The following LAMC1 variants were observed in gnomAD, a reference collection of about 807,000 sequenced individuals.
LAMC1 encodes laminin subunit gamma-1.
Under a neutral mutation model 173.6 loss-of-function variants are expected in LAMC1, and 38 were observed. The observed-to-expected ratio is 0.22, with a 90% CI of 0.17 to 0.29. The LOEUF (loss-of-function observed/expected upper bound fraction) is 0.29, where lower values mean the gene tolerates loss of function less well. Ranked by LOEUF, LAMC1 falls within the 10% of genes least tolerant of loss-of-function variation. The pLI is 1.00. For missense variants in LAMC1, 1,824 were observed against 2,051.8 expected (o/e 0.89, Z 2.14); for synonymous variants, 746 against 749.1 (o/e 1.00, Z 0.07).
At chr1:183,104,821 G>C (rs904536174) in intron 2 of LAMC1, among the ~76,000 whole-genome samples, 1 of 152,172 alleles carries the variant, frequency 6.6e-6, no homozygotes, top group Non-Finnish European at 1.5e-5. Flanking sequence ...TGAGCAATGA[G>C]TGTGCTTGCC....
intron 2 of LAMC1, among the ~76,000 whole-genome samples, chr1:183,104,632 T>C (rs2102070436): frequency 6.6e-6 from 1 of 152,374 alleles, no homozygotes; most frequent in African/African-American, 2.4e-5. Flanking sequence ...TTGGATCTTC[T>C]TATTCTTTCT....
At chr1:183,052,797 A>G (rs141995287) in intron 1 of LAMC1, among the ~76,000 whole-genome samples, 1,802 of 152,312 alleles carry the variant, frequency 0.012, 29 homozygotes, top group African/African-American at 0.038. Flanking sequence ...AGAAGGTTCT[A>G]TTCAGTCATA....
In LAMC1 at chr1:183,127,339, T is replaced by C; in HGVS notation, c.3058T>C (p.Phe1020Leu). 1 of 1,614,186 alleles carries C rather than the reference T, an allele frequency of 6.2e-7. No individual in the cohort carries two copies. The change falls in exon 17 of 28, where the codon TTC (phenylalanine) becomes CTC (leucine). Residue 1020 changes from phenylalanine (F) to leucine (L), a missense_variant. Phe to Leu is a conservative substitution (Grantham distance 22). Coordinates refer to ENST00000258341, the MANE Select transcript of LAMC1 (RefSeq NM_002293.4). ...CTGTGACCAGTGTGAAGAAAACTAT[T>C]TCTACAATCGGTCTTGGCCTGGCTG... is the stretch of plus-strand genomic sequence containing the variant. ...NRCDQCEENY[F>L]YNRSWPGCQE...
intron 1 of LAMC1, among the ~76,000 whole-genome samples, chr1:183,087,836 G>A (rs368798491): frequency 6.7e-6 from 1 of 149,450 alleles, no homozygotes; most frequent in East Asian, 2.0e-4. Flanking sequence ...TTTTTGAGAC[G>A]GAGTTTTGCT....
At chr1:183,104,757 A>G (rs944628737) in intron 2 of LAMC1, among the ~76,000 whole-genome samples, 1 of 152,278 alleles carries the variant, frequency 6.6e-6, no homozygotes, top group East Asian at 1.9e-4. Context: ...GTATTTCTGT[A>G]AGTTGCTGGG....
intron 1 of LAMC1, among the ~76,000 whole-genome samples, chr1:183,028,323 A>T (rs1653748407): frequency 6.6e-6 from 1 of 152,204 alleles, no homozygotes; most frequent in South Asian, 2.1e-4. Flanking sequence ...CAAACATTTT[A>T]AAAAATACTC....
chr1:183,140,333 C>T (rs1457505526), intron 26 of LAMC1, 71 bp from the exon 27 acceptor site: 15 of 720,448 alleles, frequency 2.1e-5, no homozygotes, highest in Non-Finnish European at 2.9e-5. Flanking sequence ...TTTGTTGGGT[C>T]ATTGGGAAAA....
chr1:183,052,038 CT>C (rs1387132002), intron 1 of LAMC1, among the ~76,000 whole-genome samples: 2 of 152,170 alleles, frequency 1.3e-5, no homozygotes, highest in African/African-American at 4.8e-5. Flanking sequence ...TTGGTTTCTG[CT>C]TGTTCATCTG....
chr1:183,106,501 C>A (rs556458775), intron 2 of LAMC1, among the ~76,000 whole-genome samples: 2 of 152,268 alleles, frequency 1.3e-5, no homozygotes, highest in Admixed American at 1.3e-4. Context: ...TGGCTTAAGG[C>A]AGTGGTTCCA....
intron 1 of LAMC1, among the ~76,000 whole-genome samples, chr1:183,098,512 C>G (rs1655751784): frequency 6.6e-6 from 1 of 152,210 alleles, no homozygotes; most frequent in African/African-American, 2.4e-5. Flanking sequence ...GATGTTTGTA[C>G]AAAGGCATGG....
At chr1:183,115,419 C>G in intron 5 of LAMC1, 101 bp from the exon 6 acceptor site, 1 of 791,164 alleles carries the variant, frequency 1.3e-6, no homozygotes, top group Non-Finnish European at 2.2e-6. Context: ...TACTGGTTCT[C>G]AGGCATTGCT....
At chr1:183,112,221 C>T (rs1019892761) in intron 4 of LAMC1, among the ~76,000 whole-genome samples, 2 of 152,156 alleles carry the variant, frequency 1.3e-5, no homozygotes, top group Admixed American at 6.5e-5. Context: ...CTTGCTTGAC[C>T]TTCTTTAATT....
chr1:183,122,828 C>T (rs4651139), intron 13 of LAMC1, among the ~76,000 whole-genome samples: 78,714 of 151,858 alleles, frequency 0.52, 21,096 homozygotes, highest in South Asian at 0.65. Flanking sequence ...ACCTCAAATC[C>T]GTCATTGATG....
intron 1 of LAMC1, among the ~76,000 whole-genome samples, chr1:183,035,055 T>C (rs1427588311): frequency 2.6e-5 from 4 of 152,200 alleles, no homozygotes; most frequent in Non-Finnish European, 5.9e-5. Context: ...AGACCTCAAA[T>C]TGAGGAGTAA....
Position 183,121,923 on chromosome 1 carries a change from G to A in LAMC1, c.2191G>A (p.Glu731Lys), listed in dbSNP as rs2230157. Residue 731 changes from glutamate (E) to lysine (K), a missense_variant, in exon 12 of 28, where the codon GAG becomes AAG. Transcript: ENST00000258341. ...GCTTTGCGCCTGCAATGGACACAGC[G>A]AGACCTGTGATCCTGAGACAGGTGA... ...CVLCACNGHSETCDPETGVCN... is the reference protein window; with the variant it reads ...CVLCACNGHSKTCDPETGVCN... The A allele has an allele frequency of 5.0e-3, 8,120 of 1,614,098 alleles. 394 individuals carry two copies. The African/African-American group carries it at 0.096, about 19-fold the overall frequency.
Position 183,142,820 on chromosome 1 carries a change from CT to C in LAMC1, c.*31del. On this transcript the variant is annotated 3_prime_UTR_variant, in exon 28 of 28. Coordinates refer to ENST00000258341, the MANE Select transcript of LAMC1 (RefSeq NM_002293.4). ...TTTAGGGCTGGAAGGCAGCATCCCT[CT>C]GACAGGGGGGCAGTTGTGAGGCCAC... 1 of 1,578,014 alleles carries C rather than the reference CT, an allele frequency of 6.3e-7. No individual in the cohort carries two copies. The highest frequency in any genetic ancestry group is 8.6e-7 in the Non-Finnish European group (1 of 1,163,272).
chr1:183,052,734 G>A (rs1440082244), intron 1 of LAMC1, among the ~76,000 whole-genome samples: 2 of 152,158 alleles, frequency 1.3e-5, no homozygotes, highest in Non-Finnish European at 1.5e-5. Flanking sequence ...GTTTTTGGGT[G>A]TGTGTCTTAT....
At chr1:183,040,178 A>G (rs538621150) in intron 1 of LAMC1, among the ~76,000 whole-genome samples, 15 of 152,334 alleles carry the variant, frequency 9.8e-5, no homozygotes, top group Non-Finnish European at 1.8e-4. Flanking sequence ...AATTCACAGC[A>G]TTGCCTGGAT....
chr1:183,061,268 T>C (rs1434401652), intron 1 of LAMC1, among the ~76,000 whole-genome samples: 3 of 152,182 alleles, frequency 2.0e-5, no homozygotes, highest in African/African-American at 7.2e-5. Context: ...TGGTTATTAG[T>C]GTGTGAAAAC....
Sources: allele counts gnomAD v4.1 joint callset (sites outside exome capture counted in the v4.1 genomes callset), GRCh38; gene constraint gnomAD v4.1.1; transcripts MANE v1.5; gene names NCBI Gene and HGNC (gene_info 2026-07-23, HGNC 2026-07-21).